The following MYO3A variants were observed in gnomAD, a reference collection of about 807,000 sequenced individuals.
MYO3A encodes the protein myosin-IIIa.
A neutral mutation model predicts 192.7 loss-of-function variants in MYO3A; 180 were observed. The observed-to-expected ratio is 0.93, with a 90% CI of 0.83 to 1.06. The LOEUF (loss-of-function observed/expected upper bound fraction) is 1.06, where lower values mean the gene tolerates loss of function less well. MYO3A is among the 50% of genes least tolerant of loss of function. The pLI is 0.00. For missense variants in MYO3A, 1,896 were observed against 1,905.0 expected (o/e 1.00, Z 0.09); for synonymous variants, 628 against 645.3 (o/e 0.97, Z 0.41).
chr10:25,988,936 ACT>A (rs1450379691), intron 4 of MYO3A, among the ~76,000 whole-genome samples: 20 of 128,228 alleles, frequency 1.6e-4, no homozygotes, highest in South Asian at 2.4e-4. Context: ...CAGCCCTAAA[ACT>A]CTTTTTTTTT....
chr10:26,118,791 C>T (rs1276834605), intron 17 of MYO3A, among the ~76,000 whole-genome samples: 2 of 152,012 alleles, frequency 1.3e-5, no homozygotes, highest in Non-Finnish European at 2.9e-5. Context: ...ACCACCACGC[C>T]CCGCTAATTT....
chr10:26,186,919 T>C (rs1842896711), intron 31 of MYO3A, among the ~76,000 whole-genome samples: 1 of 152,232 alleles, frequency 6.6e-6, no homozygotes, highest in African/African-American at 2.4e-5. Flanking sequence ...GACTTCTGAA[T>C]CTTGATAAAA....
chr10:26,125,725 A>G, intron 19 of MYO3A, 117 bp downstream of exon 19: 2 of 895,406 alleles, frequency 2.2e-6, no homozygotes, highest in Non-Finnish European at 3.5e-6. Context: ...ATGTAATTAA[A>G]TTATTAAAAT....
chr10:26,077,128 G>A (rs1835623924), intron 14 of MYO3A, among the ~76,000 whole-genome samples: 1 of 151,370 alleles, frequency 6.6e-6, no homozygotes, highest in Non-Finnish European at 1.5e-5. Flanking sequence ...CCATCCAGGA[G>A]CATGGGATGT....
intron 4 of MYO3A, among the ~76,000 whole-genome samples, chr10:25,989,229 G>A (rs1440602312): frequency 6.6e-6 from 1 of 150,476 alleles, no homozygotes; most frequent in Non-Finnish European, 1.5e-5. Context: ...ACAGATGTGA[G>A]CCACTGCACC....
At chr10:26,064,343 A>G (rs184475344) in intron 10 of MYO3A, among the ~76,000 whole-genome samples, 3 of 152,382 alleles carry the variant, frequency 2.0e-5, no homozygotes, top group East Asian at 1.9e-4. Flanking sequence ...AATGTGTTCA[A>G]GAAACAGCAA....
chr10:26,120,745 G>A lies in MYO3A; in HGVS notation c.1846G>A (p.Ala616Thr). 1.2e-6 allele frequency: 2 copies of A among 1,613,968 alleles called. No individual in the cohort carries two copies. The highest frequency in any genetic ancestry group is 1.7e-6 in the Non-Finnish European group (2 of 1,179,970). Residue 616 changes from alanine (A) to threonine (T), a missense_variant, in exon 18 of 35, where the codon GCA becomes ACA. Physicochemically the swap from Ala to Thr is moderately conservative, Grantham distance 58. Coordinates refer to ENST00000642920, the MANE Select transcript of MYO3A (RefSeq NM_017433.5). ...NVGNIEFSSV[A>T]TEHQIDKSHI... is the part of the protein sequence containing the mutation. ...TGGCAACATTGAATTTTCTTCTGTG[G>A]CAACTGAACACCAGATTGACAAGAG... is the stretch of plus-strand genomic sequence containing the variant.
intron 9 of MYO3A, among the ~76,000 whole-genome samples, chr10:26,025,472 A>C (rs1842498524): frequency 6.6e-6 from 1 of 152,144 alleles, no homozygotes; most frequent in African/African-American, 2.4e-5. Flanking sequence ...ATGTGCACTC[A>C]GTGGCTGTCC....
intron 17 of MYO3A, among the ~76,000 whole-genome samples, chr10:26,117,322 TA>T (rs1588984417): frequency 6.6e-6 from 1 of 152,154 alleles, no homozygotes; most frequent in African/African-American, 2.4e-5. Context: ...AAAACACATT[TA>T]AAAAAACTGT....
intron 4 of MYO3A, among the ~76,000 whole-genome samples, chr10:25,965,980 T>G (rs1306066843): frequency 1.3e-5 from 2 of 150,916 alleles, no homozygotes; most frequent in Non-Finnish European, 3.0e-5. Context: ...TCTCTCTCTC[T>G]TCAGTGCCTC....
At chr10:25,971,601 G>A (rs574030285) in intron 4 of MYO3A, among the ~76,000 whole-genome samples, 1 of 152,218 alleles carries the variant, frequency 6.6e-6, no homozygotes, top group East Asian at 1.9e-4. Flanking sequence ...ATTTTTGAGA[G>A]AGTTTTGCTG....
chr10:26,071,791 G>A (rs1835223815), intron 14 of MYO3A, among the ~76,000 whole-genome samples: 1 of 152,162 alleles, frequency 6.6e-6, no homozygotes, highest in African/African-American at 2.4e-5. Flanking sequence ...ATTTGGGAAT[G>A]CAAGTTAAAA....
At chr10:26,129,480 A>C (rs74129109) in intron 20 of MYO3A, among the ~76,000 whole-genome samples, 14,805 of 152,208 alleles carry the variant, frequency 0.097, 788 homozygotes, top group Non-Finnish European at 0.12. Context: ...TATGCGAAGA[A>C]ATATCTTTAA....
chr10:26,133,493 T>A (rs893651127), intron 20 of MYO3A, among the ~76,000 whole-genome samples: 2 of 152,244 alleles, frequency 1.3e-5, no homozygotes, highest in Non-Finnish European at 2.9e-5. Flanking sequence ...GCACACTTAG[T>A]CTGTTTCTCT....
chr10:26,149,113 A>G (rs1483247000), intron 23 of MYO3A, among the ~76,000 whole-genome samples: 1 of 151,904 alleles, frequency 6.6e-6, no homozygotes, highest in Non-Finnish European at 1.5e-5. Flanking sequence ...CACTGAGTAT[A>G]ATGTTAACTG....
intron 2 of MYO3A, among the ~76,000 whole-genome samples, chr10:25,942,547 C>T (rs1836566600): frequency 6.6e-6 from 1 of 152,154 alleles, no homozygotes; most frequent in Non-Finnish European, 1.5e-5. Context: ...CAATATATTC[C>T]TGCTAGCAAT....
intron 10 of MYO3A, among the ~76,000 whole-genome samples, chr10:26,031,217 G>A (rs11014919): frequency 0.12 from 18,961 of 152,184 alleles, 1,631 homozygotes; most frequent in East Asian, 0.35. Context: ...GGACAACATT[G>A]GATGGCTCAG....
intron 27 of MYO3A, among the ~76,000 whole-genome samples, chr10:26,166,841 C>T (rs1841779473): frequency 6.6e-6 from 1 of 152,056 alleles, no homozygotes; most frequent in Non-Finnish European, 1.5e-5. Flanking sequence ...ATGTATTGGA[C>T]ATTGATGTGT....
At chr10:25,963,241 C>T (rs774421537) in intron 4 of MYO3A, among the ~76,000 whole-genome samples, 33 of 152,158 alleles carry the variant, frequency 2.2e-4, no homozygotes, top group Non-Finnish European at 4.6e-4. Flanking sequence ...CACGAAAATT[C>T]AGTAAATAGT....
Sources: gnomAD v4.1 joint callset for allele counts (sites outside exome capture counted in the v4.1 genomes callset) on GRCh38, gnomAD v4.1.1 for gene constraint, MANE v1.5 for transcripts, NCBI Gene and HGNC (gene_info 2026-07-23, HGNC 2026-07-21) for gene names.